Variants in ARHGEF18 observed in about 807,000 individuals in gnomAD.
ARHGEF18 encodes the protein rho guanine nucleotide exchange factor 18.
Under a neutral mutation model 155.7 loss-of-function variants are expected in ARHGEF18, and 93 were observed. The observed-to-expected ratio is 0.60, with a 90% CI of 0.50 to 0.71. ARHGEF18 has a LOEUF of 0.71. ARHGEF18 is among the 30% of genes least tolerant of loss of function. The pLI, the probability that ARHGEF18 is intolerant of heterozygous loss-of-function variation, is 0.00. For missense variants in ARHGEF18, 1,593 were observed against 1,816.1 expected (o/e 0.88, Z 2.23); for synonymous variants, 742 against 753.1 (o/e 0.99, Z 0.24).
At chr19:7,460,914 G>A (rs534025698) in intron 20 of ARHGEF18, among the ~76,000 whole-genome samples, 4 of 151,308 alleles carry the variant, frequency 2.6e-5, no homozygotes, top group African/African-American at 7.3e-5. Flanking sequence ...TCAGCCTCCC[G>A]AGTAGCTGGG....
intron 5 of ARHGEF18, among the ~76,000 whole-genome samples, chr19:7,377,890 C>A (rs993394541): frequency 1.3e-5 from 2 of 151,678 alleles, no homozygotes; most frequent in Non-Finnish European, 2.9e-5. Context: ...TTCGAGACCA[C>A]CCTGGCCAAC....
chr19:7,477,233 G>A, downstream of ARHGEF18: 1 of 1,538,714 alleles, frequency 6.5e-7, no homozygotes, highest in Non-Finnish European at 8.7e-7. Context: ...CTGGCCGCCG[G>A]CCCGGGCCGC....
intron 2 of ARHGEF18, among the ~76,000 whole-genome samples, chr19:7,370,900 C>CT (rs111574229): frequency 0.095 from 13,746 of 145,290 alleles, 1,851 homozygotes; most frequent in African/African-American, 0.29. Flanking sequence ...CCACACCCCG[C>CT]TTTTTTTTTT....
chr19:7,376,503 TG>T, intron 4 of ARHGEF18, 139 bp from the exon 5 acceptor site: 1 of 436,484 alleles, frequency 2.3e-6, no homozygotes, highest in Non-Finnish European at 3.8e-6. Context: ...GGGGAGTGGC[TG>T]GAGGCTGAGG....
chr19:7,414,765 C>T (rs565860151), intron 10 of ARHGEF18, among the ~76,000 whole-genome samples: 2 of 151,398 alleles, frequency 1.3e-5, no homozygotes, highest in East Asian at 2.0e-4. Context: ...GCTGAGATCG[C>T]GCCATTGCAC....
intron 22 of ARHGEF18, 92 bp downstream of exon 22, chr19:7,464,047 GT>G: frequency 2.8e-6 from 4 of 1,439,752 alleles, no homozygotes; most frequent in Non-Finnish European, 3.7e-6. Flanking sequence ...TTTCTTTTTT[GT>G]TGTTGTTGAG....
At chr19:7,460,858 G>A (rs548536502) in intron 20 of ARHGEF18, among the ~76,000 whole-genome samples, 54 of 151,162 alleles carry the variant, frequency 3.6e-4, no homozygotes, top group Admixed American at 1.3e-3. Context: ...GCGTGATCTC[G>A]GCTTACTGCA....
At chr19:7,443,044 A>G (rs999272476) in intron 13 of ARHGEF18, among the ~76,000 whole-genome samples, 33 of 142,422 alleles carry the variant, frequency 2.3e-4, no homozygotes, top group African/African-American at 8.2e-4. Context: ...GCCTGCCACC[A>G]TGCCCAGCTA....
In ARHGEF18 at chr19:7,380,974, C is replaced by T. The variant is rs1204920365; in HGVS notation, c.702C>T (p.Thr234=). The change falls in exon 8 of 29, where the codon ACC becomes ACT. Residue 234 remains threonine, a synonymous_variant. Transcript: ENST00000668164. The part of the protein sequence containing the change: ...ASPGGAHSNL[T]WFEFLSESED... ...CCGGAGGAGCCCACTCGAACCTGAC[C>T]TGGTTTGAATTCCTGTCGGAGTAAG... is the stretch of plus-strand genomic sequence containing the variant. 1.6e-6 allele frequency: 2 copies of T among 1,232,126 alleles called. No homozygotes were observed. The highest frequency in any genetic ancestry group is 2.0e-6 in the Non-Finnish European group (2 of 988,042). The allele number at this position is 1,232,126 out of a possible 1,614,324, so 76.3% of individuals were successfully genotyped here.
At chr19:7,385,081 C>T (rs1970928772) in intron 10 of ARHGEF18, among the ~76,000 whole-genome samples, 1 of 152,200 alleles carries the variant, frequency 6.6e-6, no homozygotes, top group African/African-American at 2.4e-5. Context: ...TTCCCTGGCA[C>T]CTTGTTCTCT....
chr19:7,443,458 C>T (rs1974797987), intron 13 of ARHGEF18, among the ~76,000 whole-genome samples: 1 of 152,160 alleles, frequency 6.6e-6, no homozygotes, highest in African/African-American at 2.4e-5. Context: ...ACCTCGGCCT[C>T]CCAGAGTGCT....
In ARHGEF18 at chr19:7,440,599, C is replaced by T; in HGVS notation, c.1106+117C>T. The T allele has an allele frequency of 7.7e-7, 1 of 1,301,566 alleles. No individual in the cohort carries two copies. The highest frequency in any genetic ancestry group is 1.0e-6 in the Non-Finnish European group (1 of 972,192). The allele number at this position is 1,301,566 out of a possible 1,614,324, so 80.6% of individuals were successfully genotyped here. ...ATCTGTGTGAATCCACACGGCAGCC[C>T]CCGTGCTAAGCAGAGAAATTCCCAT... On this transcript the variant is annotated intron_variant, in intron 11 of 28. Transcript: ENST00000668164. This position sits in a 1 kb window ranked among gnomAD's most constrained non-coding sequence, Gnocchi z 5.4.
At chr19:7,408,607 CA>C (rs1365617060) in intron 10 of ARHGEF18, among the ~76,000 whole-genome samples, 1 of 152,266 alleles carries the variant, frequency 6.6e-6, no homozygotes, top group Admixed American at 6.5e-5. Context: ...GACCTCTTCA[CA>C]ATCTGGGCCC....
chr19:7,383,480 G>C, intron 10 of ARHGEF18: 1 of 398,830 alleles, frequency 2.5e-6, no homozygotes, highest in Non-Finnish European at 4.4e-6. Flanking sequence ...GAGTTTGCTA[G>C]GGCTGTCATG....
At chr19:7,426,498 A>AG (rs1973675700) in intron 10 of ARHGEF18, among the ~76,000 whole-genome samples, 1 of 151,658 alleles carries the variant, frequency 6.6e-6, no homozygotes, top group South Asian at 2.1e-4. Flanking sequence ...AAAAAAAAAA[A>AG]AAAAGAAAAA....
chr19:7,475,546 C>CACAACCACA (rs1258084804), downstream of ARHGEF18, among the ~76,000 whole-genome samples: 1 of 136,890 alleles, frequency 7.3e-6, no homozygotes, highest in Non-Finnish European at 1.6e-5. Flanking sequence ...ACACACACAA[C>CACAACCACA]CACACACACA....
intron 10 of ARHGEF18, among the ~76,000 whole-genome samples, chr19:7,409,430 CTT>C (rs55893809): frequency 0.6 from 72,698 of 120,764 alleles, 21,382 homozygotes; most frequent in Middle Eastern, 0.76. Flanking sequence ...AATGAAGAGT[CTT>C]TTTTTTTTTT....
At chr19:7,369,367 A>C (rs960588696) in intron 2 of ARHGEF18, among the ~76,000 whole-genome samples, 13 of 152,146 alleles carry the variant, frequency 8.5e-5, no homozygotes, top group African/African-American at 2.9e-4. Context: ...AGGCTGAGGC[A>C]GGAGAATCGC....
In ARHGEF18 at chr19:7,395,158, G is replaced by A. The variant is rs79469543; in HGVS notation, c.967+11955G>A. 3 of 985,840 alleles carry A rather than the reference G, an allele frequency of 3.0e-6. No individual in the cohort carries two copies. Among genetic ancestry groups the A allele is most frequent in the Non-Finnish European group, 3.6e-6 (3 of 830,334 alleles). 61.1% of individuals were successfully genotyped at this position (985,840 alleles called of 1,614,324 possible). ...CGGCTCCCAGCTGCTAGCTACTGTG[G>A]ATCTGGGGGGGCCGGACGGAGGCAT... On this transcript the variant is annotated intron_variant, in intron 10 of 28. Transcript: ENST00000668164. The surrounding 1 kb of genome is among the most constrained non-coding windows in gnomAD (Gnocchi z 5.0).
Sources: allele counts gnomAD v4.1 joint callset (sites outside exome capture counted in the v4.1 genomes callset), GRCh38; gene constraint gnomAD v4.1.1; non-coding constraint Gnocchi (gnomAD v3.1); transcripts MANE v1.5; gene names NCBI Gene and HGNC (gene_info 2026-07-23, HGNC 2026-07-21).